DIP2B: variants seen among roughly 807,000 people sequenced by gnomAD.
DIP2B encodes the protein DIP2 acetate--CoA ligase B (putative).
A neutral mutation model predicts 198.0 loss-of-function variants in DIP2B; 76 were observed. The ratio of observed to expected loss-of-function variants is 0.38; its 90% CI spans 0.32 to 0.46. The LOEUF (loss-of-function observed/expected upper bound fraction) is 0.46, where lower values mean the gene tolerates loss of function less well. DIP2B is among the 20% of genes least tolerant of loss of function. The probability of loss-of-function intolerance (pLI) is 0.99; values close to 1 mark genes in which losing one functional copy is unlikely to be tolerated. For synonymous variants in DIP2B, 701 were observed against 739.1 expected, an observed-to-expected ratio of 0.95 and a Z score of 0.84; for missense variants, 1,559 against 1,978.4, an observed-to-expected ratio of 0.79 and a Z score of 4.02.
At chr12:50,645,993 A>G (rs1046548187) in intron 3 of DIP2B, among the ~76,000 whole-genome samples, 2 of 151,992 alleles carry the variant, frequency 1.3e-5, no homozygotes, top group Admixed American at 1.3e-4. Context: ...TTAGCTTTAT[A>G]TATGTTTAGA....
intron 1 of DIP2B, among the ~76,000 whole-genome samples, chr12:50,526,252 A>G (rs2139358137): frequency 6.6e-6 from 1 of 152,318 alleles, no homozygotes; most frequent in Non-Finnish European, 1.5e-5. Flanking sequence ...TCTGCCAGGA[A>G]GGATGGGGAC....
At chr12:50,710,265 A>G (rs1407558248) in intron 22 of DIP2B, among the ~76,000 whole-genome samples, 2 of 152,158 alleles carry the variant, frequency 1.3e-5, no homozygotes, top group East Asian at 3.8e-4. Flanking sequence ...GTCCAAAGAA[A>G]GTGTGGCCTG....
At chr12:50,576,655 T>C (rs1958664397) in intron 1 of DIP2B, among the ~76,000 whole-genome samples, 1 of 151,084 alleles carries the variant, frequency 6.6e-6, no homozygotes, top group Middle Eastern at 3.2e-3. Context: ...ATTTTTTGTA[T>C]TTTTTTTAGT....
intron 1 of DIP2B, among the ~76,000 whole-genome samples, chr12:50,589,138 C>T (rs1256693731): frequency 2.0e-5 from 3 of 151,534 alleles, no homozygotes; most frequent in African/African-American, 4.9e-5. Flanking sequence ...GAGCCAAGAT[C>T]GCGCCACTGC....
At chr12:50,566,638 C>T (rs1958565763) in intron 1 of DIP2B, among the ~76,000 whole-genome samples, 1 of 152,102 alleles carries the variant, frequency 6.6e-6, no homozygotes, top group African/African-American at 2.4e-5. Flanking sequence ...GTCTCTGAGG[C>T]TCTGTTAGAT....
chr12:50,734,149 T>G lies in DIP2B; in HGVS notation c.3996T>G (p.Pro1332=), dbSNP rs1384412078. 6.2e-7 allele frequency: 1 copy of G among 1,614,112 alleles called. No individual in the cohort carries two copies. Among genetic ancestry groups the G allele is most frequent in the Non-Finnish European group, 8.5e-7 (1 of 1,180,036 alleles). ...VAICLQGTSG[P]DPTTVYVDLK... is the part of the protein sequence containing the mutation. Reference sequence around the variant, plus strand: ...TCTTTCTTTAGGGAACCTCAGGGCCTGATCCGACTACTGTGTATGTGGATC... The same window carrying G: ...TCTTTCTTTAGGGAACCTCAGGGCCGGATCCGACTACTGTGTATGTGGATC... The change falls in exon 33 of 38, where the codon CCT becomes CCG. Residue 1332 remains proline, a synonymous_variant. Transcript: ENST00000301180.
intron 1 of DIP2B, among the ~76,000 whole-genome samples, chr12:50,604,167 AC>A: frequency 6.6e-6 from 1 of 152,228 alleles, no homozygotes; most frequent in South Asian, 2.1e-4. Flanking sequence ...TAATTATAGT[AC>A]AAAAGGTTTT....
At chr12:50,585,025 C>A (rs1485137272) in intron 1 of DIP2B, among the ~76,000 whole-genome samples, 1 of 152,160 alleles carries the variant, frequency 6.6e-6, no homozygotes, top group East Asian at 1.9e-4. Context: ...TGTCCTCTTT[C>A]ACAGCAGGAT....
At chr12:50,640,910 G>A (rs1938245496) in intron 3 of DIP2B, 58 bp downstream of exon 3, 3 of 1,558,362 alleles carry the variant, frequency 1.9e-6, no homozygotes, top group South Asian at 2.4e-5. Flanking sequence ...AGTATGAACT[G>A]TGTATCCTGA....
intron 34 of DIP2B, 84 bp downstream of exon 34, chr12:50,735,214 T>G: frequency 4.0e-6 from 6 of 1,492,966 alleles, no homozygotes; most frequent in Non-Finnish European, 5.6e-6. Flanking sequence ...ATATAATATA[T>G]TAGTGTCCAG....
At chr12:50,714,751 G>A (rs1408819880) in intron 23 of DIP2B, among the ~76,000 whole-genome samples, 155 bp downstream of exon 23, 4 of 152,084 alleles carry the variant, frequency 2.6e-5, no homozygotes, top group African/African-American at 9.7e-5. Flanking sequence ...AACAGCCTGG[G>A]CGACATGGTA....
chr12:50,580,694 G>C (rs1958717768), intron 1 of DIP2B, among the ~76,000 whole-genome samples: 1 of 147,866 alleles, frequency 6.8e-6, no homozygotes, highest in Admixed American at 7.0e-5. Flanking sequence ...CAACCGTCAG[G>C]GTACATTTGG....
At chr12:50,566,537 A>G (rs1430630433) in intron 1 of DIP2B, among the ~76,000 whole-genome samples, 3 of 152,068 alleles carry the variant, frequency 2.0e-5, no homozygotes, top group Non-Finnish European at 4.4e-5. Flanking sequence ...TTATTTTTTC[A>G]ATTACTCTTT....
chr12:50,654,891 G>C (rs1334073481), intron 3 of DIP2B: 1 of 294,188 alleles, frequency 3.4e-6, no homozygotes, highest in African/African-American at 2.2e-5. Context: ...AAGGTTAGGC[G>C]GTGGGGAAGT....
chr12:50,632,616 AACCTCC>A (rs1442665363), intron 2 of DIP2B, among the ~76,000 whole-genome samples: 2 of 150,296 alleles, frequency 1.3e-5, no homozygotes, highest in African/African-American at 4.9e-5. Flanking sequence ...GGCTCACTGC[AACCTCC>A]ACCTCCCGGG....
intron 23 of DIP2B, among the ~76,000 whole-genome samples, chr12:50,716,911 A>G (rs888379916): frequency 5.5e-4 from 78 of 141,430 alleles, no homozygotes; most frequent in African/African-American, 2.0e-3. Context: ...GACGAATAGT[A>G]TAGTGAGGAA....
chr12:50,710,714 G>A (rs1939600416), intron 22 of DIP2B, among the ~76,000 whole-genome samples: 1 of 152,050 alleles, frequency 6.6e-6, no homozygotes, highest in Non-Finnish European at 1.5e-5. Flanking sequence ...TGTGAGCCAC[G>A]TCACCTGGCT....
At chr12:50,568,885 A>G (rs1402713805) in intron 1 of DIP2B, among the ~76,000 whole-genome samples, 7 of 152,166 alleles carry the variant, frequency 4.6e-5, no homozygotes, top group African/African-American at 1.7e-4. Context: ...CAGAGGACAT[A>G]TCCTGCTTCT....
At chr12:50,652,244 C>T (rs939792230) in intron 3 of DIP2B, among the ~76,000 whole-genome samples, 25 of 151,482 alleles carry the variant, frequency 1.7e-4, no homozygotes, top group Admixed American at 1.2e-3. Context: ...ACCCAGGAGG[C>T]GGAGGTTGCA....
Sources: gnomAD v4.1 joint callset for allele counts (sites outside exome capture counted in the v4.1 genomes callset) on GRCh38, gnomAD v4.1.1 for gene constraint, MANE v1.5 for transcripts, NCBI Gene and HGNC (gene_info 2026-07-23, HGNC 2026-07-21) for gene names.